The following KLC1 variants were observed in gnomAD, a reference collection of about 807,000 sequenced individuals.
KLC1 encodes the protein kinesin 2 60/70kDa.
KLC1 carries 30 observed loss-of-function variants against 84.2 expected under a neutral mutation model. That is an observed-to-expected ratio of 0.36 (90% CI 0.27 to 0.48). The LOEUF (loss-of-function observed/expected upper bound fraction) is 0.48. KLC1 is among the 20% of genes least tolerant of loss of function. The probability of loss-of-function intolerance (pLI) is 0.99; values close to 1 mark genes in which losing one functional copy is unlikely to be tolerated. For missense variants in KLC1, 499 were observed against 805.4 expected (o/e 0.62, Z 4.60); for synonymous variants, 289 against 293.3 (o/e 0.99, Z 0.15).
At chr14:103,633,499 A>G (rs777598520) in intron 1 of KLC1, among the ~76,000 whole-genome samples, 3 of 152,146 alleles carry the variant, frequency 2.0e-5, no homozygotes, top group Non-Finnish European at 4.4e-5. Context: ...GGGCAGTGAC[A>G]GAAGGAACAG....
intron 1 of KLC1, among the ~76,000 whole-genome samples, chr14:103,651,907 C>T (rs1184012626): frequency 2.6e-5 from 4 of 152,208 alleles, no homozygotes; most frequent in African/African-American, 7.2e-5. Context: ...CCCCCACCAC[C>T]GTGTTCCGCC....
At chr14:103,686,081 G>A (rs2081762459) in intron 13 of KLC1, 1 of 1,017,362 alleles carries the variant, frequency 9.8e-7, no homozygotes, top group Non-Finnish European at 1.2e-6. Context: ...CGGACTCCGG[G>A]TCTCCCTAGG....
chr14:103,634,876 C>T (rs1010943644), intron 1 of KLC1, among the ~76,000 whole-genome samples: 18 of 152,244 alleles, frequency 1.2e-4, no homozygotes, highest in African/African-American at 3.6e-4. Context: ...CCACTGCACC[C>T]GGCCTGTTGC....
intron 15 of KLC1, chr14:103,697,000 G>T: frequency 1.0e-6 from 1 of 985,462 alleles, no homozygotes; most frequent in South Asian, 4.7e-5. Context: ...GCATGGGCGG[G>T]GCCGGCCGAG....
At chr14:103,660,017 C>G (rs1348750913) in intron 3 of KLC1, among the ~76,000 whole-genome samples, 1 of 152,100 alleles carries the variant, frequency 6.6e-6, no homozygotes, top group Non-Finnish European at 1.5e-5. Context: ...TCATCTTATC[C>G]TGATCACCTC....
In KLC1 at chr14:103,694,044, G is replaced by A. The variant is rs959035001; in HGVS notation, c.1848+1619G>A. The A allele has an allele frequency of 4.0e-6, 4 of 999,656 alleles. No individual in the cohort carries two copies. The highest frequency in any genetic ancestry group is 5.7e-5 in the Admixed American group (1 of 17,402). 61.9% of individuals were successfully genotyped at this position (999,656 alleles called of 1,614,324 possible). ...AAACATAAAGTACCCCTTTCAGAAC[G>A]ATAGGCATTTAGTGATCTATGGCAG... On this transcript the variant is annotated intron_variant, in intron 15 of 16. Transcript: ENST00000334553. The surrounding 1 kb of genome is among the most constrained non-coding windows in gnomAD (Gnocchi z 4.5).
At chr14:103,653,301 C>G (rs1264433174) in intron 1 of KLC1, among the ~76,000 whole-genome samples, 1 of 152,148 alleles carries the variant, frequency 6.6e-6, no homozygotes, top group Non-Finnish European at 1.5e-5. Flanking sequence ...GCACATACCA[C>G]CCAGCTAATT....
At chr14:103,634,773 G>A (rs2076931681) in intron 1 of KLC1, among the ~76,000 whole-genome samples, 2 of 152,064 alleles carry the variant, frequency 1.3e-5, no homozygotes, top group South Asian at 2.1e-4. Flanking sequence ...AGAGACGGGG[G>A]TCTCACTGTG....
chr14:103,677,424 T>TA lies in KLC1; in HGVS notation c.1390dup (p.Thr464AsnfsTer18). ...ATGTGCTTTCTTACAGTCCAACTGT[T>TA]ACAACCACTCTAAAAAACCTTGGGG... On this transcript the variant is annotated frameshift_variant, in exon 12 of 17. Coordinates refer to ENST00000334553, the MANE Select transcript of KLC1 (RefSeq NM_001394837.1). LOFTEE classifies it high-confidence loss of function. The TA allele has an allele frequency of 6.2e-7, 1 of 1,608,850 alleles. No homozygotes were observed. The highest frequency in any genetic ancestry group is 8.5e-7 in the Non-Finnish European group (1 of 1,175,160).
intron 16 of KLC1, 94 bp from the exon 17 acceptor site, chr14:103,701,107 G>A (rs939506714): frequency 2.0e-5 from 30 of 1,463,962 alleles, no homozygotes; most frequent in South Asian, 1.8e-4. Flanking sequence ...CAGACTTGGG[G>A]TGGGGGTTCC....
intron 1 of KLC1, among the ~76,000 whole-genome samples, chr14:103,631,265 A>G (rs2151231094): frequency 6.6e-6 from 1 of 152,222 alleles, no homozygotes; most frequent in East Asian, 1.9e-4. Flanking sequence ...TATTTTTAGT[A>G]GAGATGGGGT....
At chr14:103,672,977 G>T in intron 7 of KLC1, 37 bp from the exon 8 acceptor site, 2 of 1,593,638 alleles carry the variant, frequency 1.3e-6, no homozygotes, top group South Asian at 2.2e-5. Flanking sequence ...GATGGAAGCA[G>T]AACAAGTGTC....
At chr14:103,685,987 G>A (rs2081753388) in intron 13 of KLC1, 11 of 1,106,142 alleles carry the variant, frequency 9.9e-6, no homozygotes, top group Non-Finnish European at 1.2e-5. Flanking sequence ...ATGGCATGAC[G>A]GTGACCTGTT....
At chr14:103,650,786 G>A (rs1314775743) in intron 1 of KLC1, among the ~76,000 whole-genome samples, 2 of 151,594 alleles carry the variant, frequency 1.3e-5, no homozygotes, top group Non-Finnish European at 2.9e-5. Flanking sequence ...CACCATGTTG[G>A]CCAGGCTTGT....
chr14:103,687,043 A>G, intron 13 of KLC1, 38 bp from the exon 14 acceptor site: 2 of 1,490,628 alleles, frequency 1.3e-6, no homozygotes, highest in African/African-American at 1.4e-5. Flanking sequence ...AGGAGGGAGA[A>G]CCACCTGCAG....
At position 103,694,993 on chromosome 14, in the gene KLC1, C is replaced by T. The variant is rs897419465; in HGVS notation, c.1848+2568C>T. 4.1e-6 allele frequency: 4 copies of T among 985,402 alleles called. No homozygotes were observed. Among genetic ancestry groups the T allele is most frequent in the Non-Finnish European group, 4.8e-6 (4 of 829,930 alleles). 61.0% of individuals were successfully genotyped at this position (985,402 alleles called of 1,614,324 possible). ...CTGCCCTGTGGAGCCAGCGTTGTCCCCGAGCTGCTCGCCTGTGGCCGTGGC... is the reference window on the plus strand; with the variant it reads ...CTGCCCTGTGGAGCCAGCGTTGTCCTCGAGCTGCTCGCCTGTGGCCGTGGC... On this transcript the variant is annotated intron_variant, in intron 15 of 16. Transcript: ENST00000334553. This position sits in a 1 kb window ranked among gnomAD's most constrained non-coding sequence, Gnocchi z 4.5.
intron 7 of KLC1, 96 bp downstream of exon 7, chr14:103,670,379 C>G (rs796978963): frequency 2.4e-5 from 19 of 776,586 alleles, no homozygotes; most frequent in Non-Finnish European, 3.9e-5. Context: ...GTTCTGTCAC[C>G]GGGCTGGAGT....
intron 15 of KLC1, chr14:103,699,240 A>G (rs1390164277): frequency 6.5e-7 from 1 of 1,541,268 alleles, no homozygotes; most frequent in East Asian, 2.4e-5. Context: ...GGTTAGGCAC[A>G]GGCTGCTACC....
chr14:103,665,183 T>C (rs1445033352), intron 5 of KLC1, among the ~76,000 whole-genome samples: 1 of 152,064 alleles, frequency 6.6e-6, no homozygotes, highest in Non-Finnish European at 1.5e-5. Context: ...TTTAATATTT[T>C]ACTGATCTTT....
Sources: allele counts gnomAD v4.1 joint callset (sites outside exome capture counted in the v4.1 genomes callset), GRCh38; gene constraint gnomAD v4.1.1; non-coding constraint Gnocchi (gnomAD v3.1); transcripts MANE v1.5; gene names NCBI Gene and HGNC (gene_info 2026-07-23, HGNC 2026-07-21).